Variants in KLHL15 observed in about 807,000 individuals in gnomAD.
The protein encoded by KLHL15 is kelch-like protein 15.
In KLHL15, 1 loss-of-function variant was observed where a neutral mutation model predicts 29.3. The observed-to-expected ratio is 0.03, with a 90% CI of 0.01 to 0.16. The LOEUF (loss-of-function observed/expected upper bound fraction) is 0.16, where lower values mean the gene tolerates loss of function less well. Among genes scored for constraint, KLHL15 ranks in the 10% least tolerant of loss-of-function variants. The pLI is 1.00. For missense variants in KLHL15, 215 were observed against 478.5 expected (o/e 0.45, Z 5.14); for synonymous variants, 212 against 184.5 (o/e 1.15, Z -1.21).
At chrX:24,002,674 C>A (rs1929353639) in intron 3 of KLHL15, among the ~76,000 whole-genome samples, 1 of 107,758 alleles carries the variant, frequency 9.3e-6, no homozygotes, top group Non-Finnish European at 1.9e-5. Flanking sequence ...TATCGCCCAG[C>A]TGGAAGGCAG....
rs922019389 is a variant in KLHL15, at chrX:23,986,161, T to C, written c.*1760A>G. On this transcript the variant is annotated 3_prime_UTR_variant, in exon 4 of 4. Transcript: ENST00000328046. ...ACCCAAATGCCTCCAATTCTGGAGT[T>C]TGAAGATCAGGTTTAATCTCATAGT... The C allele has an allele frequency of 8.1e-5, 9 of 111,231 alleles. No individual in the cohort carries two copies. Among genetic ancestry groups the C allele is most frequent in the African/African-American group, 2.6e-4 (8 of 30,661 alleles). 9.2% of individuals were successfully genotyped at this position (111,231 alleles called of 1,213,427 possible).
chrX:24,000,268 G>A (rs2147101017), intron 3 of KLHL15, among the ~76,000 whole-genome samples: 1 of 110,945 alleles, frequency 9.0e-6, no homozygotes, highest in South Asian at 3.8e-4. Flanking sequence ...GGCAGATCAT[G>A]AGGTCAGGAG....
At chrX:23,997,541 G>A (rs1209670402) in intron 3 of KLHL15, among the ~76,000 whole-genome samples, 2 of 107,935 alleles carry the variant, frequency 1.9e-5, no homozygotes, top group African/African-American at 3.4e-5. Context: ...GACCAGCCTG[G>A]CCAACATGGT....
chrX:23,999,957 ATTAAG>A (rs761251026), intron 3 of KLHL15, among the ~76,000 whole-genome samples: 6 of 112,304 alleles, frequency 5.3e-5, no homozygotes, highest in African/African-American at 1.9e-4. Context: ...AGAAAAAGAC[ATTAAG>A]TTAACTGAGA....
chrX:24,022,780 C>G (rs903450766), intron 2 of KLHL15, among the ~76,000 whole-genome samples: 3 of 106,999 alleles, frequency 2.8e-5, no homozygotes, highest in Non-Finnish European at 3.9e-5. Flanking sequence ...AGTGCAGTGC[C>G]GCCATCTTGG....
At chrX:24,023,671 C>A (rs1217688027) in intron 2 of KLHL15, among the ~76,000 whole-genome samples, 1 of 112,090 alleles carries the variant, frequency 8.9e-6, no homozygotes, top group Non-Finnish European at 1.9e-5. Flanking sequence ...TATTTACTAT[C>A]CTATTCTTTC....
chrX:23,998,612 C>A (rs1167657953), intron 3 of KLHL15, among the ~76,000 whole-genome samples: 1 of 111,666 alleles, frequency 9.0e-6, no homozygotes, highest in Non-Finnish European at 1.9e-5. Context: ...GAATTCACAA[C>A]TTATGAGGGA....
intron 2 of KLHL15, among the ~76,000 whole-genome samples, chrX:24,008,621 T>C (rs1166620289): frequency 2.7e-5 from 3 of 110,542 alleles, no homozygotes; most frequent in African/African-American, 9.9e-5. Context: ...ATCTATCTTC[T>C]TAATTCTCAT....
chrX:24,011,677 T>A (rs757895313), intron 2 of KLHL15, among the ~76,000 whole-genome samples: 1 of 108,315 alleles, frequency 9.2e-6, no homozygotes, highest in South Asian at 3.9e-4. Flanking sequence ...GTGGCTCACA[T>A]CTGTAGTCCT....
chrX:24,023,811 A>T (rs1929862920), intron 2 of KLHL15, among the ~76,000 whole-genome samples: 1 of 112,403 alleles, frequency 8.9e-6, no homozygotes, highest in Non-Finnish European at 1.9e-5. Flanking sequence ...AAGTGCTAAA[A>T]AGTTGAAATG....
intron 2 of KLHL15, among the ~76,000 whole-genome samples, chrX:24,007,283 A>T (rs904413332): frequency 1.8e-5 from 2 of 108,703 alleles, no homozygotes; most frequent in Non-Finnish European, 3.8e-5. Context: ...ACCTGAGGTC[A>T]GGAGTTCAAG....
rs756536527 is a variant in KLHL15, at chrX:23,985,041, T to C, written c.*2880A>G. On this transcript the variant is annotated 3_prime_UTR_variant, in exon 4 of 4. Coordinates refer to ENST00000328046, the MANE Select transcript of KLHL15 (RefSeq NM_030624.3). ...ACACAAAACCTTCAAAGTGAGAATC[T>C]TGCATTTTAAGAAAAGGCTGTAGTG... The C allele has an allele frequency of 8.9e-5, 10 of 112,399 alleles. No individual in the cohort carries two copies. The highest frequency in any genetic ancestry group is 2.9e-4 in the Admixed American group (3 of 10,497). 9.3% of individuals were successfully genotyped at this position (112,399 alleles called of 1,213,427 possible).
Position 24,024,847 on chromosome X carries a change from G to A in KLHL15, c.-8+10C>T. On this transcript the variant is annotated intron_variant, in intron 2 of 3. Coordinates refer to ENST00000328046, the MANE Select transcript of KLHL15 (RefSeq NM_030624.3). ...GCTCCGCAGGCCGGCGGCCAGGGGC[G>A]GCTACGTACCTCGGGGGGTCCTGTC... 1 of 297,363 alleles carries A rather than the reference G, an allele frequency of 3.4e-6. No individual in the cohort carries two copies. Among genetic ancestry groups the A allele is most frequent in the East Asian group, 4.8e-5 (1 of 21,030 alleles). The allele number at this position is 297,363 out of a possible 1,213,427, so 24.5% of individuals were successfully genotyped here. A position where few individuals can be genotyped will look rare whatever the true frequency, so the allele number is the denominator to read the frequency against.
At chrX:24,012,331 A>C (rs1275631350) in intron 2 of KLHL15, among the ~76,000 whole-genome samples, 1 of 111,824 alleles carries the variant, frequency 8.9e-6, no homozygotes, top group Non-Finnish European at 1.9e-5. Flanking sequence ...GTTACATCCT[A>C]GTCCCCATTT....
At chrX:23,997,821 G>A (rs1026341805) in intron 3 of KLHL15, among the ~76,000 whole-genome samples, 23 of 104,608 alleles carry the variant, frequency 2.2e-4, no homozygotes, top group Non-Finnish European at 4.1e-4. Context: ...GCTCATGCCT[G>A]TAATCCCAGC....
chrX:24,025,882 G>T (rs1010135849), intron 1 of KLHL15, among the ~76,000 whole-genome samples: 3 of 110,881 alleles, frequency 2.7e-5, no homozygotes, highest in Admixed American at 9.4e-5. Flanking sequence ...CCGCCGTCGG[G>T]GCTGAGGACA....
Position 23,985,018 on chromosome X carries a change from A to C in KLHL15, c.*2903T>G, listed in dbSNP as rs1248639525. Reference sequence around the variant, plus strand: ...AAAAACCAGTAGCATTTCTTCCAACACAAAACCTTCAAAGTGAGAATCTTG... The same window carrying C: ...AAAAACCAGTAGCATTTCTTCCAACCCAAAACCTTCAAAGTGAGAATCTTG... On this transcript the variant is annotated 3_prime_UTR_variant, in exon 4 of 4. Transcript: ENST00000328046. 8.9e-6 allele frequency: 1 copy of C among 112,374 alleles called. No homozygotes were observed. Among genetic ancestry groups the C allele is most frequent in the East Asian group, 2.8e-4 (1 of 3,625 alleles). 9.3% of individuals were successfully genotyped at this position (112,374 alleles called of 1,213,427 possible).
chrX:23,989,820 T>G (rs1448788572), intron 3 of KLHL15, among the ~76,000 whole-genome samples: 4 of 110,380 alleles, frequency 3.6e-5, no homozygotes, highest in African/African-American at 1.3e-4. Flanking sequence ...TTTAAAATTA[T>G]TATTACTATA....
intron 3 of KLHL15, among the ~76,000 whole-genome samples, chrX:23,990,806 C>T (rs924178596): frequency 9.0e-6 from 1 of 110,608 alleles, no homozygotes; most frequent in Non-Finnish European, 1.9e-5. Flanking sequence ...TTTCCTCCTT[C>T]CTATCTTTCT....
Sources: allele counts gnomAD v4.1 joint callset (sites outside exome capture counted in the v4.1 genomes callset), GRCh38; gene constraint gnomAD v4.1.1; transcripts MANE v1.5; gene names NCBI Gene and HGNC (gene_info 2026-07-23, HGNC 2026-07-21).